GLDN: variants seen among roughly 807,000 people sequenced by gnomAD.
GLDN encodes gliomedin.
A neutral mutation model predicts 56.5 loss-of-function variants in GLDN; 47 were observed. That is an observed-to-expected ratio of 0.83 (90% CI 0.66 to 1.06). The LOEUF is 1.06. Ranked by LOEUF, GLDN falls within the 50% of genes least tolerant of loss-of-function variation. GLDN has a pLI of 0.00. For missense variants in GLDN, 782 were observed against 714.3 expected (o/e 1.09, Z -1.08); for synonymous variants, 332 against 278.8 (o/e 1.19, Z -1.90).
chr15:51,367,764 C>T (rs2037435438), intron 1 of GLDN, among the ~76,000 whole-genome samples: 1 of 152,176 alleles, frequency 6.6e-6, no homozygotes, highest in Non-Finnish European at 1.5e-5. Context: ...TATCAGCACC[C>T]CAGTGTCAGC....
intron 8 of GLDN, among the ~76,000 whole-genome samples, chr15:51,401,259 A>G (rs1228311864): frequency 6.6e-6 from 1 of 152,238 alleles, no homozygotes; most frequent in African/African-American, 2.4e-5. Context: ...TGATTGCCCA[A>G]GCGCCAAGTA....
In GLDN at chr15:51,356,161, C is replaced by T. The variant is rs570648718; in HGVS notation, c.363+14114C>T. ...GGTGGAGGTTGCAGTGAGCCGAAAT[C>T]GCGCCACTGCACTATAGCTGGGGAA... On this transcript the variant is annotated intron_variant, in intron 1 of 9. Coordinates refer to ENST00000335449, the MANE Select transcript of GLDN (RefSeq NM_181789.4). Among the ~76,000 whole-genome samples, 53 of 150,834 alleles carry T rather than the reference C, an allele frequency of 3.5e-4. 1 individual carries two copies. The South Asian group carries it at 6.3e-3, about 18-fold the overall frequency.
At position 51,405,052 on chromosome 15, in the gene GLDN, G is replaced by T; in HGVS notation, c.*298G>T. 1 of 257,964 alleles carries T rather than the reference G, an allele frequency of 3.9e-6. No individual in the cohort carries two copies. Among genetic ancestry groups the T allele is most frequent in the Non-Finnish European group, 7.4e-6 (1 of 135,248 alleles). 16.0% of individuals were successfully genotyped at this position (257,964 alleles called of 1,614,324 possible). The stretch of plus-strand genomic sequence containing the variant: ...ATTGGGGAGATTTTCTGTACCTGTA[G>T]GTAATTTGGTGATTCTTGGTGGCTG... On this transcript the variant is annotated 3_prime_UTR_variant, in exon 10 of 10. Transcript: ENST00000335449.
At chr15:51,355,808 C>T (rs1157880028) in intron 1 of GLDN, among the ~76,000 whole-genome samples, 2 of 148,274 alleles carry the variant, frequency 1.3e-5, no homozygotes, top group Non-Finnish European at 3.0e-5. Flanking sequence ...CAGGCGTGAG[C>T]CACCACACCC....
intron 4 of GLDN, among the ~76,000 whole-genome samples, chr15:51,388,891 G>A (rs2037957086): frequency 6.6e-6 from 1 of 152,198 alleles, no homozygotes; most frequent in Non-Finnish European, 1.5e-5. Flanking sequence ...TCCAATCTGA[G>A]CTCCAAGGCT....
downstream of GLDN, among the ~76,000 whole-genome samples, chr15:51,408,955 A>G (rs2038434423): frequency 6.6e-6 from 1 of 151,542 alleles, no homozygotes. Flanking sequence ...GGTTGGTTCC[A>G]AGTCTTTGCT....
intron 5 of GLDN, among the ~76,000 whole-genome samples, chr15:51,396,534 G>A (rs780276879): frequency 7.2e-5 from 11 of 152,192 alleles, no homozygotes; most frequent in Non-Finnish European, 1.2e-4. Context: ...TTAAAGCACA[G>A]TACTTTGGAG....
downstream of GLDN, among the ~76,000 whole-genome samples, chr15:51,411,813 G>A (rs1019494962): frequency 6.6e-6 from 1 of 152,198 alleles, no homozygotes; most frequent in African/African-American, 2.4e-5. Context: ...TACAAAAACA[G>A]GTAGTGGGCC....
intron 4 of GLDN, among the ~76,000 whole-genome samples, chr15:51,388,270 T>C (rs1048014701): frequency 6.6e-5 from 10 of 152,124 alleles, no homozygotes; most frequent in Non-Finnish European, 1.3e-4. Flanking sequence ...ACAGTCTGAC[T>C]CCCCAAGTGG....
chr15:51,385,927 G>A (rs969981544), intron 4 of GLDN, among the ~76,000 whole-genome samples: 1 of 152,190 alleles, frequency 6.6e-6, no homozygotes, highest in Non-Finnish European at 1.5e-5. Context: ...AGAGAAAAAC[G>A]GGGAGGATGT....
intron 1 of GLDN, among the ~76,000 whole-genome samples, chr15:51,372,551 C>T (rs891841273): frequency 5.3e-5 from 8 of 152,198 alleles, no homozygotes; most frequent in Non-Finnish European, 7.3e-5. Flanking sequence ...GACAGCCCAT[C>T]GTTCCCACTA....
At chr15:51,408,157 A>T, downstream of GLDN, 1 of 152,214 alleles carries the variant, frequency 6.6e-6, no homozygotes, top group East Asian at 1.9e-4. Flanking sequence ...CAGTACTGAA[A>T]AATTGTTGAT....
chr15:51,400,865 G>T lies in GLDN; in HGVS notation c.1027+367G>T, dbSNP rs571220481. Among the ~76,000 whole-genome samples the T allele has an allele frequency of 8.5e-5, 13 of 152,276 alleles. No homozygotes were observed. In the South Asian group the frequency reaches 2.7e-3, roughly 32 times the overall value. On this transcript the variant is annotated intron_variant, in intron 8 of 9. Coordinates refer to ENST00000335449, the MANE Select transcript of GLDN (RefSeq NM_181789.4). ...TGTACACCATCCATCTTTCTCTAAG[G>T]TTGCCGCCCTCCCAGAAGAGTACTT...
intron 1 of GLDN, chr15:51,369,021 C>T (rs894558151): frequency 2.0e-5 from 3 of 152,218 alleles, no homozygotes; most frequent in Non-Finnish European, 4.4e-5. Flanking sequence ...CCCACATTCC[C>T]GTTGGTGTTT....
chr15:51,399,403 G>A (rs2038201924), intron 6 of GLDN, among the ~76,000 whole-genome samples: 1 of 152,138 alleles, frequency 6.6e-6, no homozygotes, highest in East Asian at 1.9e-4. Context: ...CTTCATCCTG[G>A]CCACATTCAT....
intron 1 of GLDN, among the ~76,000 whole-genome samples, chr15:51,353,634 A>G (rs950172396): frequency 1.3e-5 from 2 of 148,602 alleles, no homozygotes; most frequent in Admixed American, 1.3e-4. Context: ...AGAAAGAACA[A>G]TTTTACTTCT....
intron 1 of GLDN, among the ~76,000 whole-genome samples, chr15:51,373,848 A>G (rs1304825840): frequency 6.6e-6 from 1 of 152,216 alleles, no homozygotes; most frequent in Non-Finnish European, 1.5e-5. Context: ...ACCTCCCTCA[A>G]GACTTAAGAG....
At position 51,405,291 on chromosome 15, in the gene GLDN, C is replaced by T. The variant is rs2038353091; in HGVS notation, c.*537C>T. On this transcript the variant is annotated 3_prime_UTR_variant, in exon 10 of 10. Coordinates refer to ENST00000335449, the MANE Select transcript of GLDN (RefSeq NM_181789.4). ...TTTATTGCTTTTCTTTGCATCTGCA[C>T]CTGCCACCACAGAATAACCATTACC... is the stretch of plus-strand genomic sequence containing the variant. The T allele has an allele frequency of 6.5e-6, 1 of 152,690 alleles. No homozygotes were observed. Among genetic ancestry groups the T allele is most frequent in the East Asian group, 1.9e-4 (1 of 5,186 alleles). 9.5% of individuals were successfully genotyped at this position (152,690 alleles called of 1,614,324 possible).
chr15:51,343,144 A>G (rs529097322), intron 1 of GLDN, among the ~76,000 whole-genome samples: 6 of 152,358 alleles, frequency 3.9e-5, no homozygotes, highest in African/African-American at 1.2e-4. Flanking sequence ...TTGAAAATAA[A>G]TTGACTTAAA....
Sources: allele counts gnomAD v4.1 joint callset (sites outside exome capture counted in the v4.1 genomes callset), GRCh38; gene constraint gnomAD v4.1.1; transcripts MANE v1.5; gene names NCBI Gene and HGNC (gene_info 2026-07-23, HGNC 2026-07-21).